ANKRD29: variants seen among roughly 807,000 people sequenced by gnomAD.
The protein encoded by ANKRD29 is ankyrin repeat domain-containing protein 29.
Under a neutral mutation model 38.0 loss-of-function variants are expected in ANKRD29, and 32 were observed. That is an observed-to-expected ratio of 0.84 (90% CI 0.64 to 1.13). The LOEUF (loss-of-function observed/expected upper bound fraction) is 1.13. Among genes scored for constraint, ANKRD29 ranks in the 50% most tolerant of loss-of-function variants. ANKRD29 has a pLI of 0.00. For synonymous variants in ANKRD29, 135 were observed against 152.4 expected, an observed-to-expected ratio of 0.89 and a Z score of 0.84; for missense variants, 357 against 377.9, an observed-to-expected ratio of 0.94 and a Z score of 0.46.
At chr18:23,612,367 T>C (rs1474650329) in intron 8 of ANKRD29, among the ~76,000 whole-genome samples, 177 bp from the exon 9 acceptor site, 1 of 152,238 alleles carries the variant, frequency 6.6e-6, no homozygotes, top group East Asian at 1.9e-4. Flanking sequence ...CTTGGATACA[T>C]AACCAATGGT....
chr18:23,607,935 G>A (rs117902281), intron 9 of ANKRD29, among the ~76,000 whole-genome samples: 5,011 of 152,312 alleles, frequency 0.033, 144 homozygotes, highest in Middle Eastern at 0.071. Flanking sequence ...GTGAGGAATG[G>A]CTGTTGGGGC....
chr18:23,656,242 A>G (rs1222872849), intron 1 of ANKRD29, among the ~76,000 whole-genome samples: 1 of 152,144 alleles, frequency 6.6e-6, no homozygotes, highest in African/African-American at 2.4e-5. Context: ...CGGAAAAACC[A>G]TCAAAAGTAG....
In ANKRD29 at chr18:23,609,398, A is replaced by G. The variant is rs187056395; in HGVS notation, c.822+2694T>C. 2.0e-5 allele frequency: 3 copies of G among 152,250 alleles called. No individual in the cohort carries two copies. In the East Asian group the frequency reaches 5.8e-4, roughly 29 times the overall value. The allele number at this position is 152,250 out of a possible 1,614,324, so 9.4% of individuals were successfully genotyped here. A position where few individuals can be genotyped will look rare whatever the true frequency, so the allele number is the denominator to read the frequency against. ...TTCCCAAGCCCCTATCCGCCAAATT[A>G]TCTTTAAAAACTCTGATCCCCAAAT... On this transcript the variant is annotated intron_variant, in intron 9 of 9. Transcript: ENST00000592179.
chr18:23,607,944 G>A (rs2059593720), intron 9 of ANKRD29, among the ~76,000 whole-genome samples: 1 of 152,198 alleles, frequency 6.6e-6, no homozygotes, highest in Non-Finnish European at 1.5e-5. Flanking sequence ...GGCTGTTGGG[G>A]CCACTGGTTG....
chr18:23,662,733 C>A lies in ANKRD29; in HGVS notation c.-3G>T. On this transcript the variant is annotated 5_prime_UTR_variant, in exon 1 of 10. Coordinates refer to ENST00000592179, the MANE Select transcript of ANKRD29 (RefSeq NM_173505.4). Reference sequence around the variant, plus strand: ...ACCTTGAAGGACATCCTGCACATGTCCGCGGCCGCCCGAGCGGGAGCCGGC... The same window carrying A: ...ACCTTGAAGGACATCCTGCACATGTACGCGGCCGCCCGAGCGGGAGCCGGC... 1 of 1,465,504 alleles carries A rather than the reference C, an allele frequency of 6.8e-7. No individual in the cohort carries two copies. Among genetic ancestry groups the A allele is most frequent in the South Asian group, 1.3e-5 (1 of 76,550 alleles). 90.8% of individuals were successfully genotyped at this position (1,465,504 alleles called of 1,614,324 possible). A position where few individuals can be genotyped will look rare whatever the true frequency, so the allele number is the denominator to read the frequency against.
rs1365572023 is a variant in ANKRD29 at position 23,637,491 on chromosome 18, G to A, written c.330+1358C>T. Reference sequence around the variant, plus strand: ...CGGCTCATTGCCGCCTTGACCTCTCGGGCTCAAGTGATCTGCCCGCCTCAG... The same window carrying A: ...CGGCTCATTGCCGCCTTGACCTCTCAGGCTCAAGTGATCTGCCCGCCTCAG... On this transcript the variant is annotated intron_variant, in intron 4 of 9. Transcript: ENST00000592179. Among the ~76,000 whole-genome samples, 7 of 152,128 alleles carry A rather than the reference G, an allele frequency of 4.6e-5. No homozygotes were observed. In the South Asian group the frequency reaches 6.2e-4, roughly 14 times the overall value.
intron 6 of ANKRD29, chr18:23,619,897 AT>A: frequency 2.3e-6 from 1 of 442,700 alleles, no homozygotes; most frequent in Non-Finnish European, 4.0e-6. Context: ...AAAATCATCC[AT>A]TTTGTGGCTG....
At chr18:23,656,440 G>T (rs967422134) in intron 1 of ANKRD29, among the ~76,000 whole-genome samples, 1 of 152,128 alleles carries the variant, frequency 6.6e-6, no homozygotes, top group Admixed American at 6.5e-5. Flanking sequence ...TCTTTCAGGA[G>T]CCTATGAAAA....
chr18:23,630,967 C>CAAAAAAAA (rs35627642), intron 5 of ANKRD29, among the ~76,000 whole-genome samples: 1 of 89,796 alleles, frequency 1.1e-5, no homozygotes, highest in Admixed American at 1.3e-4. Flanking sequence ...GACCCTGTCT[C>CAAAAAAAA]AAAAAAAAAA....
chr18:23,632,311 C>T (rs1261821974), intron 5 of ANKRD29, among the ~76,000 whole-genome samples: 1 of 151,832 alleles, frequency 6.6e-6, no homozygotes, highest in Non-Finnish European at 1.5e-5. Context: ...TTTCACTGTG[C>T]ATTCCAAGTT....
At chr18:23,636,753 T>TGATAAAGA (rs142469703) in intron 4 of ANKRD29, among the ~76,000 whole-genome samples, 3,768 of 151,794 alleles carry the variant, frequency 0.025, 139 homozygotes, top group East Asian at 0.092. Flanking sequence ...TTTGTATTTT[T>TGATAAAGA]GATAAAGACG....
chr18:23,638,960 G>C lies in ANKRD29; in HGVS notation c.232-13C>G. 6.4e-7 allele frequency: 1 copy of C among 1,572,296 alleles called. No homozygotes were observed. The highest frequency in any genetic ancestry group is 8.6e-7 in the Non-Finnish European group (1 of 1,157,738). Reference sequence around the variant, plus strand: ...CAGTTGTACCTGACTGGGAGAGAGGGAGAGGCTAGTTTTAAAAGACATTTG... The same window carrying C: ...CAGTTGTACCTGACTGGGAGAGAGGCAGAGGCTAGTTTTAAAAGACATTTG... On this transcript the variant is annotated splice_polypyrimidine_tract_variant and intron_variant, in intron 3 of 9. Transcript: ENST00000592179.
rs182599196 is a variant in ANKRD29, at chr18:23,660,731, C to T, written c.21+1979G>A. Among the ~76,000 whole-genome samples, 7 of 152,314 alleles carry T rather than the reference C, an allele frequency of 4.6e-5. No individual in the cohort carries two copies. The East Asian group carries it at 1.2e-3, about 25-fold the overall frequency. ...CTGAGCCAGGAGAATCGCTTGAACCCGAGAGGCAGAGGTTGCAGTGAGCCA... is the reference window on the plus strand; with the variant it reads ...CTGAGCCAGGAGAATCGCTTGAACCTGAGAGGCAGAGGTTGCAGTGAGCCA... On this transcript the variant is annotated intron_variant, in intron 1 of 9. Coordinates refer to ENST00000592179, the MANE Select transcript of ANKRD29 (RefSeq NM_173505.4).
rs1247410494 is a variant in ANKRD29, at chr18:23,601,005, A to G, written c.*221T>C. 2.3e-6 allele frequency: 1 copy of G among 442,600 alleles called. No individual in the cohort carries two copies. The highest frequency in any genetic ancestry group is 2.0e-5 in the African/African-American group (1 of 50,508). The allele number at this position is 442,600 out of a possible 1,614,324, so 27.4% of individuals were successfully genotyped here. On this transcript the variant is annotated 3_prime_UTR_variant, in exon 10 of 10. Transcript: ENST00000592179. ...GGCCCCCCGGGAGATGAGTTACAGG[A>G]CACCATGAGAAGTCCATGGTGAAGG...
At chr18:23,605,149 G>A (rs1475878158) in intron 9 of ANKRD29, among the ~76,000 whole-genome samples, 1 of 152,062 alleles carries the variant, frequency 6.6e-6, no homozygotes, top group Non-Finnish European at 1.5e-5. Context: ...TTGAACTCCT[G>A]ACCTCAGGTG....
At chr18:23,635,304 A>AAAAG (rs1254194781) in intron 4 of ANKRD29, among the ~76,000 whole-genome samples, 1 of 152,016 alleles carries the variant, frequency 6.6e-6, no homozygotes, top group African/African-American at 2.4e-5. Context: ...AAAAAAAAAA[A>AAAAG]AAACCCAACT....
chr18:23,636,541 C>T (rs2060005051), intron 4 of ANKRD29, among the ~76,000 whole-genome samples: 1 of 151,166 alleles, frequency 6.6e-6, no homozygotes, highest in Admixed American at 6.6e-5. Context: ...GCTGGAATTA[C>T]AGGTGTGAGC....
At chr18:23,637,155 T>C (rs749662363) in intron 4 of ANKRD29, among the ~76,000 whole-genome samples, 1 of 152,222 alleles carries the variant, frequency 6.6e-6, no homozygotes, top group Non-Finnish European at 1.5e-5. Context: ...AGCAGCCATA[T>C]GGTCACTCAC....
intron 5 of ANKRD29, among the ~76,000 whole-genome samples, chr18:23,630,752 C>T (rs932578605): frequency 2.6e-5 from 4 of 151,418 alleles, no homozygotes; most frequent in African/African-American, 9.7e-5. Flanking sequence ...ATCCCCCAAA[C>T]CTCATTTTTA....
Sources: gnomAD v4.1 joint callset for allele counts (sites outside exome capture counted in the v4.1 genomes callset) on GRCh38, gnomAD v4.1.1 for gene constraint, MANE v1.5 for transcripts, NCBI Gene and HGNC (gene_info 2026-07-23, HGNC 2026-07-21) for gene names.